NLRC5: variants seen among roughly 807,000 people sequenced by gnomAD.
NLRC5 encodes NLR family CARD domain containing 5.
NLRC5 carries 114 observed loss-of-function variants against 206.9 expected under a neutral mutation model. The ratio of observed to expected loss-of-function variants is 0.55; its 90% CI spans 0.47 to 0.64. The LOEUF is 0.64. NLRC5 is among the 30% of genes least tolerant of loss of function. The pLI is 0.00. For missense variants in NLRC5, 2,008 were observed against 2,305.5 expected (o/e 0.87, Z 2.64); for synonymous variants, 952 against 962.8 (o/e 0.99, Z 0.21).
Position 57,061,449 on chromosome 16 carries a change from CTAAG to C in NLRC5, c.3990_3993del (p.Glu1332AlafsTer15). The C allele has an allele frequency of 6.2e-7, 1 of 1,611,080 alleles. No homozygotes were observed. Among genetic ancestry groups the C allele is most frequent in the South Asian group, 1.1e-5 (1 of 91,076 alleles). The stretch of plus-strand genomic sequence containing the variant: ...TCTGCCCTGGCTTTCTGCCCTCAGG[CTAAG>C]TGAGTGCAGCTTCCGGCCAGAGCAC... On this transcript the variant is annotated frameshift_variant and splice_region_variant, in exon 31 of 49. Transcript: ENST00000688547. LOFTEE classifies it high-confidence loss of function.
chr16:57,017,313 A>G (rs1192117564), intron 2 of NLRC5, 125 bp downstream of exon 2: 2 of 152,606 alleles, frequency 1.3e-5, no homozygotes, highest in Non-Finnish European at 2.9e-5. Context: ...CAACACAACA[A>G]ACCTGCCCTT....
At chr16:56,997,998 G>A (rs1030053470) in intron 1 of NLRC5, among the ~76,000 whole-genome samples, 2 of 152,090 alleles carry the variant, frequency 1.3e-5, no homozygotes, top group South Asian at 4.1e-4. Flanking sequence ...TTGTCCGGAT[G>A]TCAGCCTCTA....
intron 27 of NLRC5, among the ~76,000 whole-genome samples, chr16:57,057,741 GAGGGGAT>G (rs1327095918): frequency 3.9e-5 from 6 of 152,238 alleles, no homozygotes; most frequent in Non-Finnish European, 7.3e-5. Flanking sequence ...TGGTGCTGGG[GAGGGGAT>G]AGTAGCAGAG....
chr16:56,999,068 A>G (rs1936008216), intron 1 of NLRC5, among the ~76,000 whole-genome samples: 1 of 152,222 alleles, frequency 6.6e-6, no homozygotes, highest in South Asian at 2.1e-4. Context: ...CGGGTTGCCG[A>G]TGGCGGACTT....
chr16:57,081,744 G>A (rs973976860), intron 48 of NLRC5, 134 bp downstream of exon 48: 1 of 704,128 alleles, frequency 1.4e-6, no homozygotes, highest in Non-Finnish European at 2.4e-6. Flanking sequence ...ACTCCACCAA[G>A]AATTTGGCAG....
chr16:57,023,946 C>A, intron 5 of NLRC5, 93 bp downstream of exon 5: 3 of 1,115,074 alleles, frequency 2.7e-6, no homozygotes, highest in Non-Finnish European at 3.9e-6. Context: ...TGCCAATAAG[C>A]CTCCAGAGGC....
At chr16:57,061,785 T>A (rs1285169178) in intron 32 of NLRC5, 84 bp downstream of exon 32, 1 of 1,557,674 alleles carries the variant, frequency 6.4e-7, no homozygotes, top group East Asian at 2.3e-5. Context: ...GCCCCCAGGA[T>A]CATGGCCCCA....
chr16:57,002,125 T>C (rs1424208537), intron 1 of NLRC5, among the ~76,000 whole-genome samples: 1 of 152,222 alleles, frequency 6.6e-6, no homozygotes, highest in Admixed American at 6.5e-5. Context: ...TTTGTATGTG[T>C]GCCACATTTT....
intron 43 of NLRC5, 94 bp downstream of exon 43, chr16:57,078,114 C>G: frequency 9.5e-7 from 1 of 1,050,230 alleles, no homozygotes; most frequent in Non-Finnish European, 1.4e-6. Flanking sequence ...GTTGAGCTGC[C>G]CTGCCCCAAG....
chr16:57,055,455 A>T lies in NLRC5; in HGVS notation c.3682A>T (p.Ser1228Cys). The change falls in exon 27 of 49, where the codon AGC becomes TGC. Residue 1228 changes from serine to cysteine, a missense_variant. Transcript: ENST00000688547. ...CAGCAGGTTCACAGGCTGCAGCCTC[A>T]GCCAGGAGCACGTAGAGTCACTCTG... ...CCGRFTGCSL[S>C]QEHVESLCWL... is the part of the protein sequence containing the mutation. The T allele has an allele frequency of 6.2e-7, 1 of 1,613,958 alleles. No homozygotes were observed. The highest frequency in any genetic ancestry group is 8.5e-7 in the Non-Finnish European group (1 of 1,179,928).
At chr16:57,043,706 C>A in intron 20 of NLRC5, 102 bp downstream of exon 20, 2 of 878,688 alleles carry the variant, frequency 2.3e-6, no homozygotes, top group Non-Finnish European at 3.9e-6. Flanking sequence ...GCCAACCTGT[C>A]ATCCTCAGCA....
At chr16:57,001,357 G>A (rs1450269430) in intron 1 of NLRC5, among the ~76,000 whole-genome samples, 1 of 152,168 alleles carries the variant, frequency 6.6e-6, no homozygotes, top group African/African-American at 2.4e-5. Flanking sequence ...GAAAACTGAG[G>A]TCTTGTTTCC....
At chr16:57,030,421 TG>T (rs2061694019) in intron 10 of NLRC5, among the ~76,000 whole-genome samples, 1 of 133,256 alleles carries the variant, frequency 7.5e-6, no homozygotes, top group Non-Finnish European at 1.6e-5. Flanking sequence ...GCTGAAAAGA[TG>T]GATGGGTGGA....
At position 57,030,603 on chromosome 16, in the gene NLRC5, G is replaced by A. The variant is rs182947682; in HGVS notation, c.2417+519G>A. ...AGATGGCTAGCTGAAAAGATGGATAGGTGTGTGAAAAGATGGATGGATGGA... is the reference window on the plus strand; with the variant it reads ...AGATGGCTAGCTGAAAAGATGGATAAGTGTGTGAAAAGATGGATGGATGGA... On this transcript the variant is annotated intron_variant, in intron 10 of 48. Coordinates refer to ENST00000688547, the MANE Select transcript of NLRC5 (RefSeq NM_001384950.1). 4.0e-3 allele frequency among the ~76,000 whole-genome samples: 599 copies of A among 148,770 alleles called. 1 individual carries two copies. Among genetic ancestry groups the A allele is most frequent in the African/African-American group, 0.014 (577 of 40,174 alleles).
intron 37 of NLRC5, among the ~76,000 whole-genome samples, chr16:57,070,248 GGT>G (rs36048473): frequency 1.3e-5 from 2 of 149,888 alleles, no homozygotes; most frequent in Non-Finnish European, 3.0e-5. Context: ...AGAACAAGAG[GGT>G]GTGTGTGTGT....
In NLRC5 at chr16:57,061,923, T is replaced by TAAGAAAAAAAGA. The variant is rs200874338; in HGVS notation, c.4154+229_4154+240dup. Reference sequence around the variant, plus strand: ...CACTGGAGGCCTGTGCTTTGGGATTTAAGAAAAAAAGAAAGAAAGAAAGAA... The same window carrying TAAGAAAAAAAGA: ...CACTGGAGGCCTGTGCTTTGGGATTTAAGAAAAAAAGAAAGAAAAAAAGAAAGAAAGAAAGAA... On this transcript the variant is annotated intron_variant, in intron 32 of 48. Transcript: ENST00000688547. The TAAGAAAAAAAGA allele has an allele frequency of 0.011, 17,430 of 1,516,508 alleles. 1,619 individuals are homozygous for TAAGAAAAAAAGA. In the African/African-American group the frequency reaches 0.22, roughly 19 times the overall value. The allele number at this position is 1,516,508 out of a possible 1,614,324, so 93.9% of individuals were successfully genotyped here. A position where few individuals can be genotyped will look rare whatever the true frequency, so the allele number is the denominator to read the frequency against.
intron 23 of NLRC5, chr16:57,048,031 A>C: frequency 5.4e-6 from 1 of 183,786 alleles, no homozygotes; most frequent in South Asian, 1.4e-4. Flanking sequence ...TTACCACCTC[A>C]CTCGCCCCAG....
intron 32 of NLRC5, among the ~76,000 whole-genome samples, chr16:57,063,782 A>G (rs1205939031): frequency 6.6e-6 from 1 of 151,942 alleles, no homozygotes; most frequent in Non-Finnish European, 1.5e-5. Context: ...TCTGTTGCCC[A>G]GGTTGGAGTG....
chr16:56,998,792 G>A (rs187939090), intron 1 of NLRC5, among the ~76,000 whole-genome samples: 34 of 152,282 alleles, frequency 2.2e-4, no homozygotes, highest in East Asian at 7.7e-4. Flanking sequence ...ATACAGCCAC[G>A]TCAACAAAAA....
Sources: gnomAD v4.1 joint callset for allele counts (sites outside exome capture counted in the v4.1 genomes callset) on GRCh38, gnomAD v4.1.1 for gene constraint, MANE v1.5 for transcripts, NCBI Gene and HGNC (gene_info 2026-07-23, HGNC 2026-07-21) for gene names.